GTF2F2: variants seen among roughly 807,000 people sequenced by gnomAD.
GTF2F2 encodes the protein ATP-dependent helicase GTF2F2.
In GTF2F2, 23 loss-of-function variants were observed where a neutral mutation model predicts 42.2. That is an observed-to-expected ratio of 0.55 (90% CI 0.39 to 0.77). The LOEUF (loss-of-function observed/expected upper bound fraction) is 0.77, where lower values mean the gene tolerates loss of function less well. Ranked by LOEUF, GTF2F2 falls within the 30% of genes least tolerant of loss-of-function variation. GTF2F2 has a pLI of 0.00. For synonymous variants in GTF2F2, 105 were observed against 100.8 expected (o/e 1.04, Z -0.25); for missense variants, 261 against 287.2 (o/e 0.91, Z 0.66).
intron 4 of GTF2F2, among the ~76,000 whole-genome samples, chr13:45,202,188 A>T (rs1873220021): frequency 6.6e-6 from 1 of 152,064 alleles, no homozygotes; most frequent in Non-Finnish European, 1.5e-5. Flanking sequence ...GGAGTTCAAG[A>T]CCAGCCTGGC....
intron 7 of GTF2F2, among the ~76,000 whole-genome samples, chr13:45,282,526 CAG>C (rs1223189885): frequency 2.0e-5 from 3 of 152,112 alleles, no homozygotes; most frequent in Non-Finnish European, 2.9e-5. Context: ...TTTTTTGAGA[CAG>C]AGTTTCACTG....
intron 7 of GTF2F2, among the ~76,000 whole-genome samples, chr13:45,283,143 C>T (rs1269819172): frequency 1.3e-5 from 2 of 152,046 alleles, no homozygotes; most frequent in African/African-American, 2.4e-5. Flanking sequence ...GTAATTTTTT[C>T]GTGTATTTCA....
intron 7 of GTF2F2, among the ~76,000 whole-genome samples, chr13:45,272,006 A>G (rs1392197951): frequency 2.0e-5 from 3 of 151,836 alleles, no homozygotes; most frequent in South Asian, 2.1e-4. Context: ...TTCCACTGAC[A>G]TATATTCACT....
rs148207507 is a variant in GTF2F2, at chr13:45,216,575, C to T, written c.386+9070C>T. Among the ~76,000 whole-genome samples, 10 of 152,054 alleles carry T rather than the reference C, an allele frequency of 6.6e-5. No homozygotes were observed. In the South Asian group the frequency reaches 1.2e-3, roughly 19 times the overall value. On this transcript the variant is annotated intron_variant, in intron 5 of 7. Coordinates refer to ENST00000340473, the MANE Select transcript of GTF2F2 (RefSeq NM_004128.3). ...TCTGTCACCCAGGCTGGAGTGCAGC[C>T]GTGTGATCTCAGCCCACCGCAACCT...
intron 5 of GTF2F2, among the ~76,000 whole-genome samples, chr13:45,231,082 T>A (rs1874653446): frequency 6.6e-6 from 1 of 151,518 alleles, no homozygotes; most frequent in Non-Finnish European, 1.5e-5. Context: ...ATTCTTATTC[T>A]TCTATTTATT....
intron 1 of GTF2F2, among the ~76,000 whole-genome samples, chr13:45,127,320 CT>C (rs113045599): frequency 8.8e-5 from 13 of 147,688 alleles, no homozygotes; most frequent in East Asian, 2.0e-4. Context: ...GCACAATCTG[CT>C]TTTTTTTTTG....
Position 45,207,434 on chromosome 13 carries a change from A to G in GTF2F2, c.315A>G (p.Ser105=), listed in dbSNP as rs191764792. 99 of 1,600,112 alleles carry G rather than the reference A, an allele frequency of 6.2e-5. No individual in the cohort carries two copies. In the East Asian group the frequency reaches 1.6e-3, roughly 26 times the overall value. The change falls in exon 5 of 8, where the codon TCA becomes TCG. Residue 105 remains serine (S), a synonymous_variant. Coordinates refer to ENST00000340473, the MANE Select transcript of GTF2F2 (RefSeq NM_004128.3). ...TTTTTTCCATTCAAGATAAGCTGTC[A>G]TTGGAAGGAATAGTGGTACAAAGAG... The part of the protein sequence containing the change: ...VFTESSSDKL[S]LEGIVVQRAE...
intron 1 of GTF2F2, among the ~76,000 whole-genome samples, chr13:45,131,429 G>T (rs1593445253): frequency 6.6e-6 from 1 of 152,166 alleles, no homozygotes; most frequent in African/African-American, 2.4e-5. Context: ...AGATATTGTT[G>T]TTAAGTATGA....
intron 4 of GTF2F2, among the ~76,000 whole-genome samples, chr13:45,160,951 G>A (rs921210875): frequency 1.3e-5 from 2 of 152,078 alleles, no homozygotes; most frequent in East Asian, 1.9e-4. Context: ...TTTCTTTGAG[G>A]CAATCATCTT....
intron 7 of GTF2F2, among the ~76,000 whole-genome samples, chr13:45,271,649 T>G (rs1017597507): frequency 1.3e-5 from 2 of 152,056 alleles, no homozygotes; most frequent in African/African-American, 4.8e-5. Context: ...CCTCCCGGGT[T>G]CAAGAAATTC....
rs1877391790 is a variant in GTF2F2 at position 45,284,685 on chromosome 13, GA to G, written c.*1130del. On this transcript the variant is annotated 3_prime_UTR_variant, in exon 8 of 8. Coordinates refer to ENST00000340473, the MANE Select transcript of GTF2F2 (RefSeq NM_004128.3). ...CCATAGTGTTTGCAGGAAAAAAAGA[GA>G]AAAAATAATAAAAATAAGGAAGGAG... The G allele has an allele frequency of 6.6e-6, 1 of 151,640 alleles. No homozygotes were observed. Among genetic ancestry groups the G allele is most frequent in the Non-Finnish European group, 1.5e-5 (1 of 67,868 alleles). 9.4% of individuals were successfully genotyped at this position (151,640 alleles called of 1,614,324 possible).
intron 4 of GTF2F2, chr13:45,193,906 T>C: frequency 6.2e-7 from 1 of 1,614,156 alleles, no homozygotes; most frequent in Non-Finnish European, 8.5e-7. Flanking sequence ...CTTAAGAGTT[T>C]CCAAGGTACA....
intron 6 of GTF2F2, among the ~76,000 whole-genome samples, chr13:45,266,797 C>CT (rs1876578709): frequency 6.6e-6 from 1 of 152,244 alleles, no homozygotes; most frequent in Admixed American, 6.5e-5. Context: ...TTCTGAACTA[C>CT]TGTTCAGAGG....
At chr13:45,129,790 T>G (rs1869239820) in intron 1 of GTF2F2, among the ~76,000 whole-genome samples, 1 of 152,198 alleles carries the variant, frequency 6.6e-6, no homozygotes, top group Admixed American at 6.5e-5. Context: ...CAAATACATT[T>G]AAAGCAGATG....
At chr13:45,194,546 T>G (rs949659534) in intron 4 of GTF2F2, 1 of 1,611,568 alleles carries the variant, frequency 6.2e-7, no homozygotes, top group Non-Finnish European at 8.5e-7. Flanking sequence ...TCTTTTTCTC[T>G]TCTGTTTATT....
intron 7 of GTF2F2, among the ~76,000 whole-genome samples, chr13:45,276,114 T>C (rs535175346): frequency 3.9e-5 from 6 of 152,216 alleles, no homozygotes; most frequent in Non-Finnish European, 7.3e-5. Context: ...TCAGTACAAA[T>C]GCATTAAGAA....
chr13:45,200,641 A>G (rs569217996), intron 4 of GTF2F2, among the ~76,000 whole-genome samples: 1 of 152,332 alleles, frequency 6.6e-6, no homozygotes, highest in African/African-American at 2.4e-5. Context: ...TCACAAGTAA[A>G]GAGCAGCTTT....
chr13:45,174,155 G>A (rs1871745157), intron 4 of GTF2F2, among the ~76,000 whole-genome samples: 1 of 152,120 alleles, frequency 6.6e-6, no homozygotes, highest in African/African-American at 2.4e-5. Flanking sequence ...AAATAAAGCT[G>A]TTGTGAACAT....
At chr13:45,195,701 C>T (rs957414674) in intron 4 of GTF2F2, among the ~76,000 whole-genome samples, 2 of 152,226 alleles carry the variant, frequency 1.3e-5, no homozygotes, top group Non-Finnish European at 2.9e-5. Flanking sequence ...TCTGAGGTTT[C>T]ACTTCTAGCA....
Sources: gnomAD v4.1 joint callset for allele counts (sites outside exome capture counted in the v4.1 genomes callset) on GRCh38, gnomAD v4.1.1 for gene constraint, MANE v1.5 for transcripts, NCBI Gene and HGNC (gene_info 2026-07-23, HGNC 2026-07-21) for gene names.